The following FARS2 variants were observed in gnomAD, a reference collection of about 807,000 sequenced individuals.
The protein encoded by FARS2 is phenylalanine--tRNA ligase, mitochondrial.
Under a neutral mutation model 46.4 loss-of-function variants are expected in FARS2, and 40 were observed. That is an observed-to-expected ratio of 0.86 (90% CI 0.67 to 1.12). The LOEUF (loss-of-function observed/expected upper bound fraction) is 1.12, where lower values mean the gene tolerates loss of function less well. Ranked by LOEUF, FARS2 falls within the 50% of genes most tolerant of loss-of-function variation. The probability of loss-of-function intolerance (pLI) is 0.00; values close to 1 mark genes in which losing one functional copy is unlikely to be tolerated. For missense variants in FARS2, 513 were observed against 567.9 expected (o/e 0.90, Z 0.98); for synonymous variants, 234 against 214.9 (o/e 1.09, Z -0.78).
intron 1 of FARS2, among the ~76,000 whole-genome samples, chr6:5,344,286 C>G (rs1757084160): frequency 1.3e-5 from 2 of 152,150 alleles, no homozygotes; most frequent in Admixed American, 1.3e-4. Context: ...TTCCTGGAGA[C>G]GGAGGCACAC....
In FARS2 at chr6:5,471,930, C is replaced by T. The variant is rs969061585; in HGVS notation, c.904+40758C>T. On this transcript the variant is annotated intron_variant, in intron 4 of 6. Coordinates refer to ENST00000274680, the MANE Select transcript of FARS2 (RefSeq NM_006567.5). The surrounding 1 kb of genome is among the most constrained non-coding windows in gnomAD (Gnocchi z 4.1). ...CAAAGAAAGGGCATTTGCCACAGCT[C>T]AGGAGCCTGCCTGAAAATGAATGAG... 2.0e-5 allele frequency among the ~76,000 whole-genome samples: 3 copies of T among 152,190 alleles called. No individual in the cohort carries two copies. Among genetic ancestry groups the T allele is most frequent in the South Asian group, 2.1e-4 (1 of 4,828 alleles).
At chr6:5,602,111 C>A (rs9504443) in intron 5 of FARS2, among the ~76,000 whole-genome samples, 42,110 of 151,938 alleles carry the variant, frequency 0.28, 6,554 homozygotes, top group African/African-American at 0.42. Flanking sequence ...ATTGACTAGC[C>A]TGGAAAAATT....
chr6:5,317,874 C>G (rs1425691854), intron 1 of FARS2, among the ~76,000 whole-genome samples: 1 of 151,998 alleles, frequency 6.6e-6, no homozygotes, highest in Non-Finnish European at 1.5e-5. Flanking sequence ...CACAAGGGAG[C>G]AGCATCCAGG....
intron 1 of FARS2, among the ~76,000 whole-genome samples, chr6:5,353,971 A>T (rs573952453): frequency 1.3e-5 from 2 of 148,984 alleles, no homozygotes; most frequent in Non-Finnish European, 3.0e-5. Context: ...GATTTCTTGT[A>T]ACAGTGGTCA....
intron 5 of FARS2, among the ~76,000 whole-genome samples, chr6:5,585,916 T>C (rs768633980): frequency 6.6e-6 from 1 of 152,182 alleles, no homozygotes; most frequent in Non-Finnish European, 1.5e-5. Context: ...TTTCTTTGAA[T>C]ATATGCCTAG....
intron 3 of FARS2, among the ~76,000 whole-genome samples, chr6:5,406,977 C>G (rs374932329): frequency 1.4e-5 from 2 of 145,614 alleles, no homozygotes; most frequent in South Asian, 2.2e-4. Context: ...TTATAAAGGA[C>G]TTCTCCATAT....
At chr6:5,532,008 GTT>G (rs1769872130) in intron 4 of FARS2, among the ~76,000 whole-genome samples, 1 of 152,146 alleles carries the variant, frequency 6.6e-6, no homozygotes, top group Non-Finnish European at 1.5e-5. Flanking sequence ...CACTCAGTAG[GTT>G]TGTGTGTATA....
intron 1 of FARS2, among the ~76,000 whole-genome samples, chr6:5,342,003 A>G (rs1442693817): frequency 6.6e-6 from 1 of 152,206 alleles, no homozygotes; most frequent in Admixed American, 6.5e-5. Flanking sequence ...TGAGTAGCCC[A>G]AGTAGAATCA....
chr6:5,748,772 A>G (rs888910498), intron 6 of FARS2, among the ~76,000 whole-genome samples: 1 of 152,130 alleles, frequency 6.6e-6, no homozygotes, highest in African/African-American at 2.4e-5. Flanking sequence ...AACCAATACA[A>G]ATTAAGTGCT....
At chr6:5,648,358 C>T (rs910492314) in intron 6 of FARS2, among the ~76,000 whole-genome samples, 1 of 152,182 alleles carries the variant, frequency 6.6e-6, no homozygotes, top group African/African-American at 2.4e-5. Flanking sequence ...AATACAGGGT[C>T]CCCCCAGATC....
At position 5,639,596 on chromosome 6, in the gene FARS2, A is replaced by G. The variant is rs572514054; in HGVS notation, c.1217+26276A>G. ...TATGGGAAACTCTGGTGCCTGGGAA[A>G]GGCCATATTCTGTTGTAAACTGGGG... On this transcript the variant is annotated intron_variant, in intron 6 of 6. Coordinates refer to ENST00000274680, the MANE Select transcript of FARS2 (RefSeq NM_006567.5). Among the ~76,000 whole-genome samples the G allele has an allele frequency of 8.5e-5, 13 of 152,312 alleles. No individual in the cohort carries two copies. The South Asian group carries it at 2.5e-3, about 29-fold the overall frequency.
At chr6:5,538,414 T>G (rs1012473115) in intron 4 of FARS2, among the ~76,000 whole-genome samples, 1 of 152,058 alleles carries the variant, frequency 6.6e-6, no homozygotes, top group African/African-American at 2.4e-5. Flanking sequence ...GGAGCAAAAG[T>G]CACAAAGAGA....
At chr6:5,251,522 AGC>A in the FARS2 span, among the ~76,000 whole-genome samples, 1 of 152,198 alleles carries the variant, frequency 6.6e-6, no homozygotes, top group Non-Finnish European at 1.5e-5. Flanking sequence ...CCAGAGCAGG[AGC>A]AAGCAAGCGA....
chr6:5,396,920 C>T (rs1267278955), intron 2 of FARS2, among the ~76,000 whole-genome samples: 5 of 152,134 alleles, frequency 3.3e-5, no homozygotes, highest in African/African-American at 4.8e-5. Flanking sequence ...CCTCACGTTT[C>T]CCCCTGATTT....
intron 6 of FARS2, among the ~76,000 whole-genome samples, chr6:5,734,572 A>G (rs1453153669): frequency 6.6e-6 from 1 of 152,198 alleles, no homozygotes; most frequent in Non-Finnish European, 1.5e-5. Context: ...CAAGGAGATG[A>G]TGGTGATGAT....
chr6:5,369,359 C>T (rs549174135), intron 2 of FARS2, among the ~76,000 whole-genome samples, 177 bp downstream of exon 2: 42 of 152,146 alleles, frequency 2.8e-4, no homozygotes, highest in African/African-American at 5.5e-4. Context: ...ACTTTTTGAC[C>T]GCTTTGTTGT....
chr6:5,637,978 C>A (rs1342877510), intron 6 of FARS2, among the ~76,000 whole-genome samples: 2 of 152,174 alleles, frequency 1.3e-5, no homozygotes, highest in African/African-American at 4.8e-5. Context: ...GGACACAGTT[C>A]AACCCATAAC....
At chr6:5,713,586 A>G (rs77043925) in intron 6 of FARS2, among the ~76,000 whole-genome samples, 10 of 152,364 alleles carry the variant, frequency 6.6e-5, no homozygotes, top group African/African-American at 2.4e-4. Flanking sequence ...AGCATAGCAA[A>G]TGCAGGCACC....
At chr6:5,758,091 C>T (rs1762301765) in intron 6 of FARS2, among the ~76,000 whole-genome samples, 1 of 152,214 alleles carries the variant, frequency 6.6e-6, no homozygotes. Context: ...TGTGCCATAA[C>T]TGTGATACAG....
Sources: gnomAD v4.1 joint callset for allele counts (sites outside exome capture counted in the v4.1 genomes callset) on GRCh38, gnomAD v4.1.1 for gene constraint, Gnocchi (gnomAD v3.1) non-coding constraint, MANE v1.5 for transcripts, NCBI Gene and HGNC (gene_info 2026-07-23, HGNC 2026-07-21) for gene names.